Variants in MAP7D2 observed in about 807,000 individuals in gnomAD.
MAP7D2 encodes MAP7 domain containing 2.
A neutral mutation model predicts 63.5 loss-of-function variants in MAP7D2; 33 were observed. The ratio of observed to expected loss-of-function variants is 0.52; its 90% CI spans 0.39 to 0.70. The LOEUF is 0.70. Among genes scored for constraint, MAP7D2 ranks in the 30% least tolerant of loss-of-function variants. The pLI, the probability that MAP7D2 is intolerant of heterozygous loss-of-function variation, is 0.00. For missense variants in MAP7D2, 626 were observed against 604.0 expected, an observed-to-expected ratio of 1.04 and a Z score of -0.38; for synonymous variants, 224 against 223.7, an observed-to-expected ratio of 1.00 and a Z score of -0.01.
intron 13 of MAP7D2, 83 bp from the exon 14 acceptor site, chrX:20,013,215 T>C (rs1371707448): frequency 4.2e-6 from 3 of 712,404 alleles, no homozygotes; most frequent in Non-Finnish European, 4.4e-6. Flanking sequence ...CATCCGATGA[T>C]ATTTTGAGCC....
rs752410815 is a variant in MAP7D2, at chrX:20,019,057, C to T, written c.1413-2732G>A. On this transcript the variant is annotated intron_variant, in intron 10 of 16. Transcript: ENST00000379643. ...TTTTTTCTTTGTAGAGGCAGGGTTT[C>T]GTGCTGTTGCCCAAGTTGGAGTGCA... is the stretch of plus-strand genomic sequence containing the variant. Among the ~76,000 whole-genome samples, 413 of 108,773 alleles carry T rather than the reference C, an allele frequency of 3.8e-3. 2 individuals carry two copies. The highest frequency in any genetic ancestry group is 0.013 in the African/African-American group (382 of 29,798). 94.5% of individuals were successfully genotyped at this position (108,773 alleles called of 115,157 possible). A position where few individuals can be genotyped will look rare whatever the true frequency, so the allele number is the denominator to read the frequency against.
chrX:20,025,613 G>T (rs2073811970), intron 9 of MAP7D2, 68 bp downstream of exon 9: 2 of 1,148,900 alleles, frequency 1.7e-6, no homozygotes, highest in Non-Finnish European at 1.2e-6. Context: ...AAACATGAGA[G>T]AATGGCACGT....
intron 1 of MAP7D2, among the ~76,000 whole-genome samples, chrX:20,110,418 A>G (rs1457809913): frequency 9.1e-6 from 1 of 109,633 alleles, no homozygotes; most frequent in African/African-American, 3.3e-5. Flanking sequence ...GAACCCAGGA[A>G]GCGAGGTTGC....
At chrX:20,068,082 T>C (rs1230998129) in intron 1 of MAP7D2, among the ~76,000 whole-genome samples, 2 of 112,565 alleles carry the variant, frequency 1.8e-5, no homozygotes, top group Non-Finnish European at 3.8e-5. Context: ...CGTCTCTTTC[T>C]TTTTTAAATT....
intron 10 of MAP7D2, among the ~76,000 whole-genome samples, chrX:20,022,640 A>G (rs191012529): frequency 2.6e-3 from 289 of 111,674 alleles, no homozygotes; most frequent in African/African-American, 8.5e-3. Flanking sequence ...GAAGGAAAGG[A>G]AAGAGCTGAG....
chrX:20,097,460 C>T (rs1002481486), intron 1 of MAP7D2, among the ~76,000 whole-genome samples: 2 of 111,698 alleles, frequency 1.8e-5, no homozygotes, highest in Non-Finnish European at 3.8e-5. Flanking sequence ...TGGAAAAATA[C>T]TAACTGCACA....
intron 1 of MAP7D2, among the ~76,000 whole-genome samples, chrX:20,080,518 T>C (rs2065751182): frequency 1.8e-5 from 2 of 111,170 alleles, no homozygotes; most frequent in South Asian, 7.6e-4. Flanking sequence ...CATCTGAACT[T>C]GGCCTCAGGT....
chrX:20,051,326 G>A (rs772244196), intron 5 of MAP7D2, among the ~76,000 whole-genome samples: 2 of 111,298 alleles, frequency 1.8e-5, no homozygotes, highest in South Asian at 3.8e-4. Flanking sequence ...AAGGCAGTCG[G>A]GTCACTTGAA....
intron 1 of MAP7D2, among the ~76,000 whole-genome samples, chrX:20,110,040 AAAAAG>A (rs1339863337): frequency 1.8e-5 from 2 of 110,899 alleles, no homozygotes; most frequent in African/African-American, 3.3e-5. Context: ...CATCTTAAAA[AAAAAG>A]AAAAGATTCA....
At chrX:20,026,046 T>G in intron 8 of MAP7D2, 94 bp from the exon 9 acceptor site, 1 of 995,015 alleles carries the variant, frequency 1.0e-6, no homozygotes, top group East Asian at 3.1e-5. Flanking sequence ...GCTGAACAAT[T>G]TCATCCTTCC....
At chrX:20,021,953 G>A (rs2073663942) in intron 10 of MAP7D2, among the ~76,000 whole-genome samples, 2 of 111,906 alleles carry the variant, frequency 1.8e-5, no homozygotes, top group Admixed American at 1.9e-4. Context: ...TTTACTGAGC[G>A]CCAGGCACCA....
intron 1 of MAP7D2, among the ~76,000 whole-genome samples, chrX:20,084,758 G>C (rs1019756578): frequency 4.5e-5 from 5 of 110,079 alleles, no homozygotes; most frequent in East Asian, 2.9e-4. Flanking sequence ...TAATAGAGAT[G>C]GGGTTTTGAC....
intron 10 of MAP7D2, among the ~76,000 whole-genome samples, chrX:20,024,128 G>A (rs979928242): frequency 8.9e-6 from 1 of 112,095 alleles, no homozygotes; most frequent in African/African-American, 3.2e-5. Flanking sequence ...GTATTGGATT[G>A]TACTCTGTGA....
chrX:20,066,003 A>G (rs1325771925), intron 1 of MAP7D2, among the ~76,000 whole-genome samples: 1 of 108,095 alleles, frequency 9.3e-6, no homozygotes, highest in Non-Finnish European at 1.9e-5. Context: ...GCTCACTGCA[A>G]GCTCCGCTTC....
At chrX:20,101,807 A>G (rs760949229) in intron 1 of MAP7D2, among the ~76,000 whole-genome samples, 7 of 112,585 alleles carry the variant, frequency 6.2e-5, no homozygotes, top group African/African-American at 2.3e-4. Context: ...AGAGACACAA[A>G]GAAGGATATA....
intron 4 of MAP7D2, among the ~76,000 whole-genome samples, chrX:20,054,701 C>T (rs2065029810): frequency 9.0e-6 from 1 of 111,554 alleles, no homozygotes; most frequent in Non-Finnish European, 1.9e-5. Context: ...CTTGCCTCAG[C>T]CTCCTGAGTA....
At chrX:20,102,624 G>A (rs978895303) in intron 1 of MAP7D2, among the ~76,000 whole-genome samples, 1 of 110,825 alleles carries the variant, frequency 9.0e-6, no homozygotes, top group East Asian at 2.8e-4. Flanking sequence ...TGACAGGGAC[G>A]GTGACCTGGA....
chrX:20,094,512 ATATG>A (rs1301373903), intron 1 of MAP7D2, among the ~76,000 whole-genome samples: 200 of 7,648 alleles, frequency 0.026, 8 homozygotes, highest in African/African-American at 0.051. Context: ...ATATATATAT[ATATG>A]TATATATATA....
At chrX:20,060,017 T>C (rs1008079228) in intron 3 of MAP7D2, among the ~76,000 whole-genome samples, 2 of 109,943 alleles carry the variant, frequency 1.8e-5, no homozygotes, top group Non-Finnish European at 3.8e-5. Context: ...TGCCATTATA[T>C]GTGTTCTTTT....
Sources: allele counts gnomAD v4.1 joint callset (sites outside exome capture counted in the v4.1 genomes callset), GRCh38; gene constraint gnomAD v4.1.1; transcripts MANE v1.5; gene names NCBI Gene and HGNC (gene_info 2026-07-23, HGNC 2026-07-21).